Variants in SYNE1 observed in about 807,000 individuals in gnomAD.
The protein encoded by SYNE1 is nesprin-1.
Under a neutral mutation model 1,111.0 loss-of-function variants are expected in SYNE1, and 616 were observed. The ratio of observed to expected loss-of-function variants is 0.55; its 90% CI spans 0.52 to 0.59. The LOEUF (loss-of-function observed/expected upper bound fraction) is 0.59. SYNE1 is among the 20% of genes least tolerant of loss of function. The probability of loss-of-function intolerance (pLI) is 0.00; values close to 1 mark genes in which losing one functional copy is unlikely to be tolerated. For missense variants in SYNE1, 10,006 were observed against 10,417.0 expected (o/e 0.96, Z 1.72); for synonymous variants, 3,855 against 3,825.8 (o/e 1.01, Z -0.28).
At chr6:152,363,926 G>A (rs111541082) in intron 63 of SYNE1, among the ~76,000 whole-genome samples, 2,781 of 152,198 alleles carry the variant, frequency 0.018, 83 homozygotes, top group African/African-American at 0.064. Context: ...TGCTCACAAC[G>A]GTGGGCAACT....
At chr6:152,489,016 C>T (rs1457582160) in intron 11 of SYNE1, among the ~76,000 whole-genome samples, 1 of 152,134 alleles carries the variant, frequency 6.6e-6, no homozygotes, top group Non-Finnish European at 1.5e-5. Context: ...TTATCTTGTT[C>T]AACACAGTAT....
At chr6:152,524,000 A>T (rs563870409) in intron 5 of SYNE1, among the ~76,000 whole-genome samples, 6 of 152,232 alleles carry the variant, frequency 3.9e-5, no homozygotes, top group African/African-American at 1.4e-4. Context: ...GCAAACAATG[A>T]TAGTTTGACT....
chr6:152,174,454 A>T (rs779748186), intron 130 of SYNE1, among the ~76,000 whole-genome samples: 1 of 152,160 alleles, frequency 6.6e-6, no homozygotes, highest in Non-Finnish European at 1.5e-5. Flanking sequence ...GTTTTACTCC[A>T]TTCCCATCCT....
Position 152,143,755 on chromosome 6 carries a change from A to T in SYNE1, c.24987T>A (p.Ser8329Arg). 1 of 1,614,210 alleles carries T rather than the reference A, an allele frequency of 6.2e-7. No individual in the cohort carries two copies. Among genetic ancestry groups the T allele is most frequent in the Non-Finnish European group, 8.5e-7 (1 of 1,180,046 alleles). ...GTTGTCGGATCTGTGACTCTAGGGC[A>T]CTGTGGTCCCCTGCGGTGGCAACCA... ...RGAVGLSGDH[S>R]ALESQIRQLG... The change falls in exon 138 of 146, where the codon AGT (serine) becomes AGA (arginine). Residue 8329 changes from serine to arginine, a missense_variant. Coordinates refer to ENST00000367255, the MANE Select transcript of SYNE1 (RefSeq NM_182961.4).
chr6:152,258,646 G>A (rs1390411317), intron 101 of SYNE1, among the ~76,000 whole-genome samples: 2 of 151,854 alleles, frequency 1.3e-5, no homozygotes, highest in Non-Finnish European at 2.9e-5. Flanking sequence ...ACTCTTTTAG[G>A]TATACATATG....
intron 120 of SYNE1, 24 bp from the exon 121 acceptor site, chr6:152,218,427 G>A (rs780490372): frequency 6.3e-7 from 1 of 1,576,194 alleles, no homozygotes; most frequent in Non-Finnish European, 8.6e-7. Flanking sequence ...AAAGAAATTG[G>A]TATTTCAGTT....
At chr6:152,463,224 C>A (rs1436619249) in intron 19 of SYNE1, 129 bp downstream of exon 19, 3 of 1,293,454 alleles carry the variant, frequency 2.3e-6, no homozygotes, top group Non-Finnish European at 3.3e-6. Flanking sequence ...TAAAACACAC[C>A]GGTTTTAAAC....
rs1173005691 is a variant in SYNE1, at chr6:152,456,126, A to G, written c.2569-82T>C. ...AGAAAGAGAGTGACCATTACAGATAATAAGAACAACATTATATAGCTTTTA... is the reference window on the plus strand; with the variant it reads ...AGAAAGAGAGTGACCATTACAGATAGTAAGAACAACATTATATAGCTTTTA... On this transcript the variant is annotated intron_variant, in intron 22 of 145. Transcript: ENST00000367255. The G allele has an allele frequency of 2.7e-6, 4 of 1,456,388 alleles. No individual in the cohort carries two copies. The African/African-American group carries it at 5.6e-5, about 20-fold the overall frequency. 90.2% of individuals were successfully genotyped at this position (1,456,388 alleles called of 1,614,324 possible).
chr6:152,619,135 G>C (rs1194023605), intron 3 of SYNE1, among the ~76,000 whole-genome samples: 1 of 152,026 alleles, frequency 6.6e-6, no homozygotes, highest in Non-Finnish European at 1.5e-5. Flanking sequence ...AATAACCTGG[G>C]ATGTGAATTG....
At chr6:152,623,062 A>G (rs1434122624) in intron 3 of SYNE1, among the ~76,000 whole-genome samples, 1 of 152,150 alleles carries the variant, frequency 6.6e-6, no homozygotes, top group Admixed American at 6.6e-5. Flanking sequence ...AAGCAAAAGA[A>G]CAAAGCTGGA....
intron 2 of SYNE1, among the ~76,000 whole-genome samples, chr6:152,630,522 C>CTTAA (rs1160843332): frequency 2.0e-5 from 3 of 152,146 alleles, no homozygotes; most frequent in Non-Finnish European, 4.4e-5. Flanking sequence ...CAAAAGCTAT[C>CTTAA]TTAATTTGGG....
chr6:152,475,183 T>C (rs529651418), intron 14 of SYNE1, among the ~76,000 whole-genome samples: 1 of 152,264 alleles, frequency 6.6e-6, no homozygotes, highest in East Asian at 1.9e-4. Context: ...AAATCTGATA[T>C]AAATGCATTA....
At chr6:152,156,394 C>T (rs1461215851) in intron 131 of SYNE1, among the ~76,000 whole-genome samples, 2 of 152,140 alleles carry the variant, frequency 1.3e-5, no homozygotes, top group African/African-American at 4.8e-5. Context: ...AATCTTGCCC[C>T]AGACTCTACT....
At position 152,294,133 on chromosome 6, in the gene SYNE1, A is replaced by C; in HGVS notation, c.17683-6T>G. ...GCTTGGTAATATGCAATGTCCTGTG[A>C]GTGCAAAGCACAGTATTGAATTAAA... is the stretch of plus-strand genomic sequence containing the variant. On this transcript the variant is annotated splice_region_variant and splice_polypyrimidine_tract_variant and intron_variant, in intron 93 of 145. Transcript: ENST00000367255. 1 of 1,613,318 alleles carries C rather than the reference A, an allele frequency of 6.2e-7. No individual in the cohort carries two copies. The highest frequency in any genetic ancestry group is 1.8e-4 in the Middle Eastern group (1 of 5,556).
chr6:152,443,547 A>G (rs1034448404), intron 30 of SYNE1, among the ~76,000 whole-genome samples: 2 of 152,228 alleles, frequency 1.3e-5, no homozygotes, highest in Non-Finnish European at 2.9e-5. Context: ...TACAGGCGTG[A>G]GCCACCGTGC....
intron 2 of SYNE1, among the ~76,000 whole-genome samples, chr6:152,636,169 G>C (rs145271165): frequency 6.4e-4 from 98 of 152,166 alleles, no homozygotes; most frequent in African/African-American, 2.2e-3. Flanking sequence ...TGACGCGCCA[G>C]GGCCTCCGCG....
In SYNE1 at chr6:152,199,908, T is replaced by C. The variant is rs190197222; in HGVS notation, c.23145+1916A>G. Among the ~76,000 whole-genome samples, 275 of 152,340 alleles carry C rather than the reference T, an allele frequency of 1.8e-3. 3 individuals are homozygous for C. Among genetic ancestry groups the C allele is most frequent in the African/African-American group, 6.3e-3 (263 of 41,604 alleles). The stretch of plus-strand genomic sequence containing the variant: ...TAGCAGCGTGTGTTTGTAACTGTCA[T>C]GTTTTTTGGGAGATAAAAAATGACG... On this transcript the variant is annotated intron_variant, in intron 127 of 145. Transcript: ENST00000367255.
intron 141 of SYNE1, 63 bp downstream of exon 141, chr6:152,136,553 TCA>T: frequency 6.3e-7 from 1 of 1,591,504 alleles, no homozygotes. Context: ...ATACATCAAG[TCA>T]CACACTCAGC....
intron 58 of SYNE1, 71 bp from the exon 59 acceptor site, chr6:152,373,290 T>A: frequency 6.9e-7 from 1 of 1,439,820 alleles, no homozygotes; most frequent in Non-Finnish European, 9.3e-7. Context: ...CTTTTCTTTT[T>A]TTTTTTTGAG....
Sources: gnomAD v4.1 joint callset for allele counts (sites outside exome capture counted in the v4.1 genomes callset) on GRCh38, gnomAD v4.1.1 for gene constraint, MANE v1.5 for transcripts, NCBI Gene and HGNC (gene_info 2026-07-23, HGNC 2026-07-21) for gene names.